RIMS2: variants seen among roughly 807,000 people sequenced by gnomAD.
RIMS2 encodes the protein regulating synaptic membrane exocytosis 2, also known as regulating synaptic membrane exocytosis protein 2.
Under a neutral mutation model 174.4 loss-of-function variants are expected in RIMS2, and 59 were observed. The observed-to-expected ratio is 0.34, with a 90% CI of 0.27 to 0.42. The LOEUF (loss-of-function observed/expected upper bound fraction) is 0.42. Among genes scored for constraint, RIMS2 ranks in the 10% least tolerant of loss-of-function variants. The probability of loss-of-function intolerance (pLI) is 1.00; values close to 1 mark genes in which losing one functional copy is unlikely to be tolerated. For missense variants in RIMS2, 1,620 were observed against 1,666.3 expected (o/e 0.97, Z 0.48); for synonymous variants, 606 against 572.5 (o/e 1.06, Z -0.84).
At chr8:103,894,604 C>G (rs1496844) in intron 4 of RIMS2, among the ~76,000 whole-genome samples, 1 of 151,548 alleles carries the variant, frequency 6.6e-6, no homozygotes, top group African/African-American at 2.4e-5. Flanking sequence ...TCAAATACCT[C>G]TTATTACAGA....
chr8:103,517,107 G>A (rs1829374762), intron 1 of RIMS2, among the ~76,000 whole-genome samples: 1 of 152,164 alleles, frequency 6.6e-6, no homozygotes, highest in South Asian at 2.1e-4. Flanking sequence ...TTATAATTTA[G>A]TGGTAAAGAG....
At chr8:103,794,164 A>G (rs906824413) in intron 3 of RIMS2, among the ~76,000 whole-genome samples, 1 of 152,150 alleles carries the variant, frequency 6.6e-6, no homozygotes, top group Non-Finnish European at 1.5e-5. Flanking sequence ...GCAGCATCAC[A>G]CTACCTGACT....
At chr8:103,666,031 G>C (rs751388442) in intron 1 of RIMS2, among the ~76,000 whole-genome samples, 1 of 152,118 alleles carries the variant, frequency 6.6e-6, no homozygotes, top group Non-Finnish European at 1.5e-5. Flanking sequence ...AAATTTAACA[G>C]AGTTTAATTG....
chr8:103,716,911 C>A (rs17234965), intron 2 of RIMS2, among the ~76,000 whole-genome samples: 4 of 151,870 alleles, frequency 2.6e-5, no homozygotes, highest in African/African-American at 7.3e-5. Context: ...ACTAGACTAC[C>A]GGCTAGGTTT....
At chr8:103,947,047 C>A (rs1399968763) in intron 14 of RIMS2, among the ~76,000 whole-genome samples, 2 of 151,916 alleles carry the variant, frequency 1.3e-5, no homozygotes. Context: ...ATTTAATATC[C>A]ACATACAAAA....
intron 19 of RIMS2, among the ~76,000 whole-genome samples, chr8:104,158,816 T>C (rs1268224233): frequency 6.6e-6 from 1 of 152,188 alleles, no homozygotes; most frequent in African/African-American, 2.4e-5. Context: ...GATGGATAGA[T>C]TGCAAAAATT....
At chr8:103,588,781 T>C (rs547374655) in intron 1 of RIMS2, among the ~76,000 whole-genome samples, 4 of 152,022 alleles carry the variant, frequency 2.6e-5, no homozygotes, top group Admixed American at 2.6e-4. Flanking sequence ...AAGACTGAAA[T>C]TTAGGACTTC....
intron 10 of RIMS2, among the ~76,000 whole-genome samples, chr8:103,924,756 T>TA (rs1412759101): frequency 2.0e-5 from 3 of 151,784 alleles, no homozygotes; most frequent in East Asian, 1.9e-4. Context: ...GAGGTGATTA[T>TA]AAAAAAACAT....
intron 1 of RIMS2, among the ~76,000 whole-genome samples, chr8:103,649,315 G>A (rs1178004399): frequency 6.6e-6 from 1 of 152,128 alleles, no homozygotes; most frequent in Non-Finnish European, 1.5e-5. Context: ...TCCCCTGTTA[G>A]TCTGATGGGC....
intron 3 of RIMS2, among the ~76,000 whole-genome samples, chr8:103,815,032 G>A (rs530002733): frequency 6.2e-4 from 95 of 152,238 alleles, no homozygotes; most frequent in African/African-American, 2.2e-3. Flanking sequence ...GTTCTCCACT[G>A]TTTGAAAATT....
At chr8:103,818,201 A>T (rs1425005522) in intron 3 of RIMS2, among the ~76,000 whole-genome samples, 1 of 152,158 alleles carries the variant, frequency 6.6e-6, no homozygotes, top group African/African-American at 2.4e-5. Flanking sequence ...TTAAATGTCT[A>T]TTTACTGATA....
chr8:103,723,621 G>T (rs79521297), intron 2 of RIMS2, among the ~76,000 whole-genome samples: 18,890 of 152,222 alleles, frequency 0.12, 1,276 homozygotes, highest in Middle Eastern at 0.22. Context: ...TCTAGAGCCT[G>T]GGACTGTGGG....
chr8:103,963,032 T>C (rs2090670387), intron 15 of RIMS2, among the ~76,000 whole-genome samples: 1 of 152,156 alleles, frequency 6.6e-6, no homozygotes, highest in Admixed American at 6.6e-5. Flanking sequence ...AGACTTATGA[T>C]CACCAAGACT....
At position 104,093,552 on chromosome 8, in the gene RIMS2, G is replaced by A. The variant is rs1363693432; in HGVS notation, c.3334+78937G>A. On this transcript the variant is annotated intron_variant, in intron 19 of 23. Transcript: ENST00000504942. ...GGACAGTGATGTAAGTGATATATCT[G>A]CGGTTTCAAGGACTAGTAGTGCTTC... 4 of 1,597,362 alleles carry A rather than the reference G, an allele frequency of 2.5e-6. No homozygotes were observed. In the African/African-American group the frequency reaches 4.0e-5, roughly 16 times the overall value.
intron 12 of RIMS2, among the ~76,000 whole-genome samples, chr8:103,935,032 G>A (rs2080934589): frequency 1.3e-5 from 2 of 152,072 alleles, no homozygotes; most frequent in Non-Finnish European, 2.9e-5. Context: ...GCAAGGCTCT[G>A]GTTAAATACT....
intron 19 of RIMS2, among the ~76,000 whole-genome samples, chr8:104,172,532 G>T (rs1429876325): frequency 6.6e-6 from 1 of 152,138 alleles, no homozygotes; most frequent in African/African-American, 2.4e-5. Context: ...AATGTATATT[G>T]TCTGTGTTTA....
chr8:103,927,259 T>C (rs567827310), intron 10 of RIMS2, among the ~76,000 whole-genome samples: 1 of 151,664 alleles, frequency 6.6e-6, no homozygotes, highest in African/African-American at 2.4e-5. Context: ...TCACCAAGTA[T>C]GAATCAACTA....
chr8:104,073,847 G>A (rs2097240366), intron 19 of RIMS2, among the ~76,000 whole-genome samples: 1 of 152,030 alleles, frequency 6.6e-6, no homozygotes, highest in Non-Finnish European at 1.5e-5. Flanking sequence ...AAAGCAATTT[G>A]ATTAAACTAG....
chr8:104,102,648 A>G (rs2097924602), intron 19 of RIMS2, among the ~76,000 whole-genome samples: 1 of 152,232 alleles, frequency 6.6e-6, no homozygotes, highest in Non-Finnish European at 1.5e-5. Flanking sequence ...GAGGCCTCAC[A>G]ATCATGGAGG....
Sources: gnomAD v4.1 joint callset for allele counts (sites outside exome capture counted in the v4.1 genomes callset) on GRCh38, gnomAD v4.1.1 for gene constraint, MANE v1.5 for transcripts, NCBI Gene and HGNC (gene_info 2026-07-23, HGNC 2026-07-21) for gene names.